SRFBP1: variants seen among roughly 807,000 people sequenced by gnomAD.
SRFBP1 encodes the protein serum response factor-binding protein 1.
SRFBP1 carries 47 observed loss-of-function variants against 45.5 expected under a neutral mutation model. That is an observed-to-expected ratio of 1.03 (90% CI 0.82 to 1.32). The LOEUF (loss-of-function observed/expected upper bound fraction) is 1.32. SRFBP1 is among the 40% of genes most tolerant of loss of function. The pLI is 0.00. For missense variants in SRFBP1, 621 were observed against 484.6 expected (o/e 1.28, Z -2.64); for synonymous variants, 203 against 166.3 (o/e 1.22, Z -1.70).
intron 2 of SRFBP1, chr5:122,066,527 G>GT (rs1464818675): frequency 2.1e-6 from 1 of 478,196 alleles, no homozygotes; most frequent in Admixed American, 3.4e-5. Flanking sequence ...ACAAAGTGAT[G>GT]TAAATAATAA....
chr5:121,980,348 C>T (rs1458649684), intron 3 of SRFBP1, among the ~76,000 whole-genome samples: 1 of 152,036 alleles, frequency 6.6e-6, no homozygotes, highest in Non-Finnish European at 1.5e-5. Context: ...TGCCATATGC[C>T]AGATTTCTCC....
At chr5:122,072,187 T>C (rs1754470842) in intron 2 of SRFBP1, among the ~76,000 whole-genome samples, 1 of 152,214 alleles carries the variant, frequency 6.6e-6, no homozygotes, top group Non-Finnish European at 1.5e-5. Context: ...TCAGTGCTTA[T>C]CTTGCCTTCA....
chr5:122,078,162 A>G, downstream of SRFBP1: 1 of 524,846 alleles, frequency 1.9e-6, no homozygotes, highest in Non-Finnish European at 3.0e-6. Context: ...TCCCCAGTCA[A>G]GGCGGCTGCT....
At chr5:122,050,956 G>A (rs981572668) in intron 2 of SRFBP1, among the ~76,000 whole-genome samples, 3 of 152,034 alleles carry the variant, frequency 2.0e-5, no homozygotes, top group African/African-American at 7.2e-5. Flanking sequence ...TTGTATCTTC[G>A]TTCAAATTAG....
chr5:122,077,963 A>C (rs1754693346), downstream of SRFBP1: 3 of 1,472,708 alleles, frequency 2.0e-6, no homozygotes, highest in African/African-American at 1.5e-5. This position sits in a 1 kb window ranked among gnomAD's most constrained non-coding sequence, Gnocchi z 4.9. Context: ...CCCGAGCAGG[A>C]GCACGGTCCA....
Position 122,026,982 on chromosome 5 carries a change from T to G in SRFBP1, c.1146T>G (p.Asn382Lys), listed in dbSNP as rs1280018712. The change falls in exon 8 of 8, where the codon AAT (asparagine) becomes AAG (lysine). Residue 382 changes from asparagine (N) to lysine (K), a missense_variant. By Grantham distance (94) the Asn-to-Lys change is moderately conservative (BLOSUM62 0). Coordinates refer to ENST00000339397, the MANE Select transcript of SRFBP1 (RefSeq NM_152546.3). The stretch of plus-strand genomic sequence containing the variant: ...AGCCTCAGATCAAGAATCAGTTTAA[T>G]AAGAAGCTATCAGGAAGACTTGAAA... ...QNEPQIKNQFNKKLSGRLENT... is the reference protein window; with the variant it reads ...QNEPQIKNQFKKKLSGRLENT... The G allele has an allele frequency of 5.6e-6, 9 of 1,613,076 alleles. No individual in the cohort carries two copies. In the East Asian group the frequency reaches 1.3e-4, roughly 24 times the overall value.
At chr5:122,006,060 TCA>T (rs1752966003) in intron 4 of SRFBP1, among the ~76,000 whole-genome samples, 1 of 152,188 alleles carries the variant, frequency 6.6e-6, no homozygotes, top group African/African-American at 2.4e-5. Flanking sequence ...ACTCCCTTTA[TCA>T]TTTCTTCTTG....
At chr5:122,045,143 A>G (rs1299496459) in intron 2 of SRFBP1, among the ~76,000 whole-genome samples, 1 of 152,046 alleles carries the variant, frequency 6.6e-6, no homozygotes, top group East Asian at 1.9e-4. Flanking sequence ...GTTTTTGTCA[A>G]CTTTGTCAAA....
In SRFBP1 at chr5:122,020,656, A is replaced by G. The variant is rs1260049479; in HGVS notation, c.921A>G (p.Gln307=). The change falls in exon 6 of 8, where the codon CAA becomes CAG. Residue 307 remains glutamine, a synonymous_variant. Transcript: ENST00000339397. ...ESSCHSSVKE[Q]KPLEKVFLKE... is the part of the protein sequence containing the mutation. ...GTTGTCATTCTTCAGTTAAGGAACA[A>G]AAACCACTAGAAAAAGTGTTTCTTA... The G allele has an allele frequency of 1.2e-6, 2 of 1,614,062 alleles. No homozygotes were observed. Among genetic ancestry groups the G allele is most frequent in the South Asian group, 1.1e-5 (1 of 91,034 alleles).
At chr5:122,007,863 G>A (rs1283061929) in intron 4 of SRFBP1, among the ~76,000 whole-genome samples, 1 of 152,136 alleles carries the variant, frequency 6.6e-6, no homozygotes, top group Non-Finnish European at 1.5e-5. Flanking sequence ...TCTGAAACCC[G>A]GGGCCACAGG....
chr5:122,062,175 G>A (rs1326321201), intron 2 of SRFBP1, among the ~76,000 whole-genome samples: 1 of 151,772 alleles, frequency 6.6e-6, no homozygotes, highest in African/African-American at 2.4e-5. Context: ...CTTAATATTG[G>A]ATTCTTTCTG....
chr5:122,024,020 G>A (rs1181952317), intron 7 of SRFBP1, among the ~76,000 whole-genome samples: 1 of 152,240 alleles, frequency 6.6e-6, no homozygotes, highest in Non-Finnish European at 1.5e-5. Context: ...CTCTAGGGCT[G>A]AGTTGCTGTG....
chr5:121,976,292 T>C (rs1752301173), intron 3 of SRFBP1, among the ~76,000 whole-genome samples: 1 of 151,968 alleles, frequency 6.6e-6, no homozygotes, highest in South Asian at 2.1e-4. Context: ...TCTTGTGTTC[T>C]TCCTTCCCTC....
intron 2 of SRFBP1, among the ~76,000 whole-genome samples, chr5:122,039,019 G>A (rs1191446448): frequency 1.3e-5 from 2 of 152,026 alleles, no homozygotes; most frequent in Admixed American, 6.6e-5. Context: ...GAAAAACAAT[G>A]AACAAGTACT....
intron 3 of SRFBP1, among the ~76,000 whole-genome samples, chr5:121,976,500 A>G (rs962939875): frequency 1.3e-5 from 2 of 151,910 alleles, no homozygotes; most frequent in South Asian, 4.1e-4. Flanking sequence ...CCTATGAGAA[A>G]TAAAATCTTT....
chr5:122,045,212 A>G (rs758261725), intron 2 of SRFBP1, among the ~76,000 whole-genome samples: 17 of 152,060 alleles, frequency 1.1e-4, no homozygotes, highest in Non-Finnish European at 2.5e-4. Context: ...GTTTTGGTCT[A>G]TGTGTCTGTT....
chr5:122,033,222 T>G (rs1425994629), downstream of SRFBP1, among the ~76,000 whole-genome samples: 1 of 152,028 alleles, frequency 6.6e-6, no homozygotes, highest in Non-Finnish European at 1.5e-5. Flanking sequence ...ATATTAGGGA[T>G]AGTAGCCCTT....
At chr5:121,976,326 A>G (rs1752301810) in intron 3 of SRFBP1, among the ~76,000 whole-genome samples, 1 of 151,820 alleles carries the variant, frequency 6.6e-6, no homozygotes. Context: ...TATAAAATTC[A>G]TGGAATCCAT....
At chr5:122,078,177 C>T (rs758627484), downstream of SRFBP1, 329 of 477,430 alleles carry the variant, frequency 6.9e-4, 1 homozygote, top group Non-Finnish European at 1.6e-4. Flanking sequence ...GCTGCTCGGA[C>T]GTGGCACCCT....
Sources: gnomAD v4.1 joint callset for allele counts (sites outside exome capture counted in the v4.1 genomes callset) on GRCh38, gnomAD v4.1.1 for gene constraint, Gnocchi (gnomAD v3.1) non-coding constraint, MANE v1.5 for transcripts, NCBI Gene and HGNC (gene_info 2026-07-23, HGNC 2026-07-21) for gene names.